LHFPL6: variants seen among roughly 807,000 people sequenced by gnomAD.
The protein encoded by LHFPL6 is LHFPL tetraspan subfamily member 6 protein.
In LHFPL6, 9 loss-of-function variants were observed where a neutral mutation model predicts 20.6. That is an observed-to-expected ratio of 0.44 (90% CI 0.26 to 0.76). The LOEUF (loss-of-function observed/expected upper bound fraction) is 0.76, where lower values mean the gene tolerates loss of function less well. Among genes scored for constraint, LHFPL6 ranks in the 30% least tolerant of loss-of-function variants. The pLI is 0.20. For synonymous variants in LHFPL6, 105 were observed against 98.7 expected, an observed-to-expected ratio of 1.06 and a Z score of -0.38; for missense variants, 218 against 253.5, an observed-to-expected ratio of 0.86 and a Z score of 0.95.
chr13:39,569,156 C>CGGAT (rs59443260), intron 2 of LHFPL6, among the ~76,000 whole-genome samples: 4,914 of 97,312 alleles, frequency 0.05, 97 homozygotes, highest in Middle Eastern at 0.083. Flanking sequence ...GATGGACGGA[C>CGGAT]GGATGGATGG....
chr13:39,370,088 T>G (rs1437180711), intron 3 of LHFPL6, among the ~76,000 whole-genome samples: 2 of 152,184 alleles, frequency 1.3e-5, no homozygotes, highest in African/African-American at 4.8e-5. Context: ...AGAAAACTCT[T>G]CATCTGATGG....
intron 2 of LHFPL6, among the ~76,000 whole-genome samples, chr13:39,463,151 T>C (rs9888507): frequency 0.16 from 23,866 of 152,096 alleles, 3,492 homozygotes; most frequent in East Asian, 0.51. Context: ...GATTCCGGGC[T>C]ATGGCAAGAG....
intron 2 of LHFPL6, among the ~76,000 whole-genome samples, chr13:39,478,130 C>A (rs922586413): frequency 1.3e-5 from 2 of 152,134 alleles, no homozygotes; most frequent in African/African-American, 4.8e-5. Flanking sequence ...TTACTGTGTG[C>A]AGCACTGTTC....
At chr13:39,465,389 C>A (rs1872779246) in intron 2 of LHFPL6, among the ~76,000 whole-genome samples, 1 of 152,106 alleles carries the variant, frequency 6.6e-6, no homozygotes, top group Admixed American at 6.6e-5. Flanking sequence ...TAGGCTCTTG[C>A]CTGTCTCTGT....
At chr13:39,368,265 AG>A (rs1460229499) in intron 3 of LHFPL6, among the ~76,000 whole-genome samples, 1 of 144,572 alleles carries the variant, frequency 6.9e-6, no homozygotes, top group Non-Finnish European at 1.5e-5. Flanking sequence ...CAGGAGGCAA[AG>A]GTTGCAGTGG....
At chr13:39,511,963 A>G (rs1263048065) in intron 2 of LHFPL6, among the ~76,000 whole-genome samples, 1 of 152,200 alleles carries the variant, frequency 6.6e-6, no homozygotes, top group African/African-American at 2.4e-5. Flanking sequence ...CCATCCCAGT[A>G]AATGCCTCGA....
In LHFPL6 at chr13:39,409,703, T is replaced by G. The variant is rs148658207; in HGVS notation, c.386-31177A>C. 1.6e-4 allele frequency among the ~76,000 whole-genome samples: 24 copies of G among 152,296 alleles called. No individual in the cohort carries two copies. In the East Asian group the frequency reaches 3.9e-3, roughly 25 times the overall value. On this transcript the variant is annotated intron_variant, in intron 2 of 3. Coordinates refer to ENST00000379589, the MANE Select transcript of LHFPL6 (RefSeq NM_005780.3). Reference sequence around the variant, plus strand: ...GTTTCCTAAAGTAACCATTGAATTATTTGGGTAAAACTTACCAGAATGTCT... The same window carrying G: ...GTTTCCTAAAGTAACCATTGAATTAGTTGGGTAAAACTTACCAGAATGTCT...
chr13:39,452,734 C>A (rs1872483308), intron 2 of LHFPL6, among the ~76,000 whole-genome samples: 1 of 152,204 alleles, frequency 6.6e-6, no homozygotes, highest in Non-Finnish European at 1.5e-5. Context: ...AAAGGAAGAG[C>A]CGCAAGAATA....
At chr13:39,512,601 C>CAAAAAAAAAAAAAAAA (rs565183661) in intron 2 of LHFPL6, among the ~76,000 whole-genome samples, 8 of 109,574 alleles carry the variant, frequency 7.3e-5, no homozygotes, top group African/African-American at 2.4e-4. Flanking sequence ...GCCTCCGTCT[C>CAAAAAAAAAAAAAAAA]AAAAAAAAAA....
chr13:39,521,829 C>T (rs1870115979), intron 2 of LHFPL6, among the ~76,000 whole-genome samples: 1 of 152,140 alleles, frequency 6.6e-6, no homozygotes, highest in Non-Finnish European at 1.5e-5. Context: ...TTGGCTTGCT[C>T]TGCAGATTAC....
intron 2 of LHFPL6, among the ~76,000 whole-genome samples, chr13:39,381,906 G>A (rs897483335): frequency 1.3e-5 from 2 of 151,998 alleles, no homozygotes; most frequent in African/African-American, 2.4e-5. Context: ...GTTACAGCTT[G>A]GTGTTTGACT....
At chr13:39,351,751 C>T (rs1346015524) in intron 3 of LHFPL6, among the ~76,000 whole-genome samples, 2 of 152,212 alleles carry the variant, frequency 1.3e-5, no homozygotes, top group African/African-American at 4.8e-5. Context: ...CCAGTCCCAG[C>T]AGCCATAGTT....
At position 39,418,530 on chromosome 13, in the gene LHFPL6, T is replaced by TG. The variant is rs61666475; in HGVS notation, c.386-40005dup. 4.6e-3 allele frequency among the ~76,000 whole-genome samples: 707 copies of TG among 152,202 alleles called. 7 individuals are homozygous for TG. The highest frequency in any genetic ancestry group is 0.016 in the African/African-American group (679 of 41,528). Reference sequence around the variant, plus strand: ...ATCTCCTAACAATGCAAGTAGCGTCTGGGGGAAGTAAAAGCTGCATATTAA... The same window carrying TG: ...ATCTCCTAACAATGCAAGTAGCGTCTGGGGGGAAGTAAAAGCTGCATATTAA... On this transcript the variant is annotated intron_variant, in intron 2 of 3. Transcript: ENST00000379589.
chr13:39,349,545 G>T (rs889949569), intron 3 of LHFPL6, among the ~76,000 whole-genome samples: 1 of 152,122 alleles, frequency 6.6e-6, no homozygotes, highest in Non-Finnish European at 1.5e-5. Flanking sequence ...TGGGAGCTTT[G>T]TTGGGAATAA....
intron 2 of LHFPL6, among the ~76,000 whole-genome samples, chr13:39,554,535 T>C (rs1871243104): frequency 6.6e-6 from 1 of 152,248 alleles, no homozygotes. Flanking sequence ...TTTTTCCTTC[T>C]AGTTGTTTCG....
Position 39,431,324 on chromosome 13 carries a change from A to T in LHFPL6, c.386-52798T>A, listed in dbSNP as rs1871793435. ...AGGAAGAAACTCCAGACACATCTGA[A>T]CATCTGAAGGAACAAACTCCAGACA... On this transcript the variant is annotated intron_variant, in intron 2 of 3. Coordinates refer to ENST00000379589, the MANE Select transcript of LHFPL6 (RefSeq NM_005780.3). 2.0e-5 allele frequency among the ~76,000 whole-genome samples: 3 copies of T among 152,308 alleles called. No homozygotes were observed. In the South Asian group the frequency reaches 6.2e-4, roughly 32 times the overall value.
At position 39,562,569 on chromosome 13, in the gene LHFPL6, C is replaced by CATATATACACAT. The variant is rs67177911; in HGVS notation, c.385+38262_385+38263insATGTGTATATAT. On this transcript the variant is annotated intron_variant, in intron 2 of 3. Transcript: ENST00000379589. Reference sequence around the variant, plus strand: ...ATACATATATACACATACATATACACATACATATATACACATATATACATA... The same window carrying CATATATACACAT: ...ATACATATATACACATACATATACACATATATACACATATACATATATACACATATATACATA... Among the ~76,000 whole-genome samples the CATATATACACAT allele has an allele frequency of 2.7e-4, 25 of 93,070 alleles. 1 individual carries two copies. Among genetic ancestry groups the CATATATACACAT allele is most frequent in the African/African-American group, 7.0e-4 (21 of 29,958 alleles). 61.1% of individuals were successfully genotyped at this position (93,070 alleles called of 152,430 possible). A position where few individuals can be genotyped will look rare whatever the true frequency, so the allele number is the denominator to read the frequency against.
chr13:39,603,189 C>G lies in LHFPL6; in HGVS notation c.-481G>C, dbSNP rs1310585256. Reference sequence around the variant, plus strand: ...GATCGCACGCAGAGGAGCGGATCTCCCTTTGGCAGGCGAGGCACGCACCGC... The same window carrying G: ...GATCGCACGCAGAGGAGCGGATCTCGCTTTGGCAGGCGAGGCACGCACCGC... On this transcript the variant is annotated 5_prime_UTR_variant, in exon 1 of 4. Transcript: ENST00000379589. 6.6e-6 allele frequency: 1 copy of G among 152,360 alleles called. No individual in the cohort carries two copies. The highest frequency in any genetic ancestry group is 6.5e-5 in the Admixed American group (1 of 15,278). The allele number at this position is 152,360 out of a possible 1,614,324, so 9.4% of individuals were successfully genotyped here. A position where few individuals can be genotyped will look rare whatever the true frequency, so the allele number is the denominator to read the frequency against.
At chr13:39,372,526 C>A (rs191230440) in intron 3 of LHFPL6, among the ~76,000 whole-genome samples, 2 of 152,190 alleles carry the variant, frequency 1.3e-5, no homozygotes, top group Non-Finnish European at 2.9e-5. Context: ...CTCCTTGCTT[C>A]TTCATAAATT....
Sources: allele counts gnomAD v4.1 joint callset (sites outside exome capture counted in the v4.1 genomes callset), GRCh38; gene constraint gnomAD v4.1.1; transcripts MANE v1.5; gene names NCBI Gene and HGNC (gene_info 2026-07-23, HGNC 2026-07-21).